Variants in SHOC2 observed in about 807,000 individuals in gnomAD.
SHOC2 encodes the protein leucine-rich repeat protein SHOC-2.
SHOC2 carries 4 observed loss-of-function variants against 50.2 expected under a neutral mutation model. That is an observed-to-expected ratio of 0.08 (90% CI 0.04 to 0.18). SHOC2 has a LOEUF of 0.18. Ranked by LOEUF, SHOC2 falls within the 10% of genes least tolerant of loss-of-function variation. The pLI is 1.00. For synonymous variants in SHOC2, 218 were observed against 244.5 expected (o/e 0.89, Z 1.01); for missense variants, 388 against 669.6 (o/e 0.58, Z 4.64).
At chr10:110,957,733 A>G (rs1264598111) in intron 1 of SHOC2, among the ~76,000 whole-genome samples, 4 of 152,162 alleles carry the variant, frequency 2.6e-5, no homozygotes, top group African/African-American at 9.7e-5. Context: ...TAGGAATACA[A>G]TTTAGATTGC....
At chr10:110,972,794 G>C (rs1055061215) in intron 2 of SHOC2, among the ~76,000 whole-genome samples, 2 of 152,082 alleles carry the variant, frequency 1.3e-5, no homozygotes, top group Non-Finnish European at 2.9e-5. Flanking sequence ...CTGTGATCTC[G>C]CCACTGTAGT....
At chr10:110,933,715 T>C (rs562760486) in intron 1 of SHOC2, among the ~76,000 whole-genome samples, 3 of 152,342 alleles carry the variant, frequency 2.0e-5, no homozygotes, top group South Asian at 4.1e-4. Context: ...GGAGGATCTC[T>C]TGAGCACAGG....
intron 3 of SHOC2, among the ~76,000 whole-genome samples, chr10:110,986,233 A>G (rs1444826234): frequency 6.6e-6 from 1 of 152,164 alleles, no homozygotes; most frequent in Non-Finnish European, 1.5e-5. Context: ...GAAGTTCAAA[A>G]TATGTTTTAT....
intron 1 of SHOC2, among the ~76,000 whole-genome samples, chr10:110,920,876 C>T (rs1016773106): frequency 6.6e-6 from 1 of 152,206 alleles, no homozygotes; most frequent in Non-Finnish European, 1.5e-5. Context: ...ACACCTGTGC[C>T]ATTTCGTATA....
At chr10:110,942,757 G>T (rs1847173637) in intron 1 of SHOC2, among the ~76,000 whole-genome samples, 1 of 152,162 alleles carries the variant, frequency 6.6e-6, no homozygotes, top group Admixed American at 6.5e-5. Context: ...GGGCAGGTCT[G>T]TTAGCAATGA....
chr10:110,926,374 A>G (rs1363998913), intron 1 of SHOC2, among the ~76,000 whole-genome samples: 1 of 152,222 alleles, frequency 6.6e-6, no homozygotes, highest in East Asian at 1.9e-4. Flanking sequence ...CAAAGGAAGG[A>G]CAAAGACATG....
At chr10:110,972,707 C>T (rs1337942803) in intron 2 of SHOC2, among the ~76,000 whole-genome samples, 1 of 152,106 alleles carries the variant, frequency 6.6e-6, no homozygotes, top group African/African-American at 2.4e-5. Flanking sequence ...CATGCTGGCA[C>T]ACACCCACAG....
intron 2 of SHOC2, among the ~76,000 whole-genome samples, chr10:110,973,363 A>G (rs1189172818): frequency 6.6e-6 from 1 of 152,168 alleles, no homozygotes; most frequent in Non-Finnish European, 1.5e-5. Flanking sequence ...TTACTCATTT[A>G]CCAATCTTTG....
At chr10:110,965,296 A>G (rs1482112074) in intron 2 of SHOC2, among the ~76,000 whole-genome samples, 1 of 152,194 alleles carries the variant, frequency 6.6e-6, no homozygotes, top group Admixed American at 6.5e-5. Context: ...TCTTTCCCAC[A>G]CAAACCTAAT....
intron 2 of SHOC2, among the ~76,000 whole-genome samples, chr10:110,965,994 A>G (rs974033958): frequency 6.6e-6 from 1 of 152,100 alleles, no homozygotes; most frequent in Non-Finnish European, 1.5e-5. Flanking sequence ...ATTAAAGGCA[A>G]TTTATTCTGA....
At chr10:111,009,406 G>T in intron 7 of SHOC2, 21 bp downstream of exon 7, 2 of 1,594,446 alleles carry the variant, frequency 1.3e-6, no homozygotes, top group Non-Finnish European at 1.7e-6. Flanking sequence ...TGCTGATTTT[G>T]TAGTTTTATA....
At chr10:110,932,647 G>A (rs1194931581) in intron 1 of SHOC2, among the ~76,000 whole-genome samples, 1 of 152,172 alleles carries the variant, frequency 6.6e-6, no homozygotes, top group East Asian at 1.9e-4. Flanking sequence ...CTGCTTAGAT[G>A]TTATCTCTTT....
At chr10:110,954,640 G>C (rs1847422983) in intron 1 of SHOC2, among the ~76,000 whole-genome samples, 1 of 152,198 alleles carries the variant, frequency 6.6e-6, no homozygotes, top group Admixed American at 6.5e-5. Flanking sequence ...CATTCTTGCA[G>C]GGAAATGGGA....
chr10:110,965,222 T>C (rs1330794199), intron 2 of SHOC2, among the ~76,000 whole-genome samples, 161 bp downstream of exon 2: 1 of 152,182 alleles, frequency 6.6e-6, no homozygotes, highest in Admixed American at 6.6e-5. Context: ...GCACTGTTAA[T>C]AGTACATGGC....
chr10:110,949,197 A>G (rs1350368453), intron 1 of SHOC2, among the ~76,000 whole-genome samples: 1 of 152,184 alleles, frequency 6.6e-6, no homozygotes, highest in African/African-American at 2.4e-5. Flanking sequence ...CTGAACTGAC[A>G]AATCTTTAGC....
Position 111,001,951 on chromosome 10 carries a change from A to G in SHOC2, c.972+1406A>G, listed in dbSNP as rs146593651. 4.8e-3 allele frequency among the ~76,000 whole-genome samples: 738 copies of G among 152,176 alleles called. 6 individuals carry two copies. The highest frequency in any genetic ancestry group is 0.017 in the African/African-American group (697 of 41,528). On this transcript the variant is annotated intron_variant, in intron 4 of 8. Transcript: ENST00000369452. ...CTACTCAGAAGGCTGAGGTAGGGGA[A>G]TGGCTTGTGGCTTGAACCCGGGAGG...
At chr10:110,989,185 T>A (rs910509295) in intron 3 of SHOC2, among the ~76,000 whole-genome samples, 1 of 152,248 alleles carries the variant, frequency 6.6e-6, no homozygotes, top group Non-Finnish European at 1.5e-5. Context: ...GGTGGAGTGA[T>A]CCATAAATAT....
At chr10:110,924,966 G>A (rs1381964792) in intron 1 of SHOC2, among the ~76,000 whole-genome samples, 1 of 150,716 alleles carries the variant, frequency 6.6e-6, no homozygotes, top group Admixed American at 6.6e-5. Flanking sequence ...AGCTACTCGG[G>A]AGGCTGAGGC....
At chr10:110,954,060 A>G (rs1188794168) in intron 1 of SHOC2, among the ~76,000 whole-genome samples, 3 of 151,430 alleles carry the variant, frequency 2.0e-5, no homozygotes, top group South Asian at 2.1e-4. Context: ...TATTCAGGAA[A>G]AGCTACTGTT....
Sources: allele counts gnomAD v4.1 joint callset (sites outside exome capture counted in the v4.1 genomes callset), GRCh38; gene constraint gnomAD v4.1.1; transcripts MANE v1.5; gene names NCBI Gene and HGNC (gene_info 2026-07-23, HGNC 2026-07-21).